Variants in IQCH observed in about 807,000 individuals in gnomAD.
The protein encoded by IQCH is IQ domain-containing protein H.
IQCH carries 98 observed loss-of-function variants against 117.0 expected under a neutral mutation model. The observed-to-expected ratio is 0.84, with a 90% CI of 0.71 to 0.99. The LOEUF is 0.99. IQCH is among the 50% of genes least tolerant of loss of function. IQCH has a pLI of 0.00. For synonymous variants in IQCH, 412 were observed against 448.2 expected (o/e 0.92, Z 1.02); for missense variants, 1,102 against 1,243.8 (o/e 0.89, Z 1.72).
intron 4 of IQCH, among the ~76,000 whole-genome samples, chr15:67,323,478 G>A (rs1277579318): frequency 1.3e-5 from 2 of 151,918 alleles, no homozygotes; most frequent in Non-Finnish European, 2.9e-5. Context: ...TCCTGACCTC[G>A]TGATCTGCCT....
chr15:67,475,611 C>A lies in IQCH; in HGVS notation c.2677-85C>A. The A allele has an allele frequency of 8.1e-7, 1 of 1,231,414 alleles. No homozygotes were observed. 76.3% of individuals were successfully genotyped at this position (1,231,414 alleles called of 1,614,324 possible). A position where few individuals can be genotyped will look rare whatever the true frequency, so the allele number is the denominator to read the frequency against. On this transcript the variant is annotated intron_variant, in intron 17 of 20. Coordinates refer to ENST00000335894, the MANE Select transcript of IQCH (RefSeq NM_001031715.3). This position sits in a 1 kb window ranked among gnomAD's most constrained non-coding sequence, Gnocchi z 5.7. Reference sequence around the variant, plus strand: ...ATATAGGAACTCTCAGAATTATCTTCGCAATTTTCCTGTTAATCTCAAGTA... The same window carrying A: ...ATATAGGAACTCTCAGAATTATCTTAGCAATTTTCCTGTTAATCTCAAGTA...
intron 4 of IQCH, among the ~76,000 whole-genome samples, chr15:67,324,321 C>G (rs1366910243): frequency 6.7e-6 from 1 of 148,440 alleles, no homozygotes; most frequent in African/African-American, 2.5e-5. Flanking sequence ...AAAAAAAAGT[C>G]TTTAGATTGG....
At chr15:67,446,421 G>T (rs2082392903) in intron 16 of IQCH, among the ~76,000 whole-genome samples, 1 of 152,150 alleles carries the variant, frequency 6.6e-6, no homozygotes, top group Non-Finnish European at 1.5e-5. Context: ...AGGTAAAGGA[G>T]AAAGAGGGGG....
rs1441560824 is a variant in IQCH at position 67,307,470 on chromosome 15, T to C, written c.387+27958T>C. The stretch of plus-strand genomic sequence containing the variant: ...GTGAGGCAATTGTGTTAATGTCAAA[T>C]GATTAGAAGAAGCACTAGAAGTAAG... On this transcript the variant is annotated intron_variant, in intron 4 of 20. Transcript: ENST00000335894. 3.9e-5 allele frequency among the ~76,000 whole-genome samples: 5 copies of C among 127,852 alleles called. No individual in the cohort carries two copies. The East Asian group carries it at 1.1e-3, about 28-fold the overall frequency. The allele number at this position is 127,852 out of a possible 152,430, so 83.9% of individuals were successfully genotyped here.
intron 4 of IQCH, among the ~76,000 whole-genome samples, chr15:67,331,708 TAC>T (rs1183612963): frequency 1.3e-5 from 2 of 152,242 alleles, no homozygotes; most frequent in Admixed American, 6.5e-5. Flanking sequence ...AGCTCTGCTC[TAC>T]ACAGTCATTC....
intron 4 of IQCH, among the ~76,000 whole-genome samples, chr15:67,321,655 A>C (rs1461605628): frequency 1.4e-5 from 2 of 140,908 alleles, no homozygotes; most frequent in Non-Finnish European, 3.0e-5. Context: ...CTTTTTCCTT[A>C]GGCCCTGCCT....
intron 10 of IQCH, among the ~76,000 whole-genome samples, chr15:67,378,431 C>A (rs1020264832): frequency 1.3e-5 from 2 of 148,420 alleles, no homozygotes; most frequent in African/African-American, 5.0e-5. Flanking sequence ...GTATAGAATC[C>A]ATAGTTTAGC....
At chr15:67,399,536 T>G (rs192656970) in intron 13 of IQCH, among the ~76,000 whole-genome samples, 2 of 152,366 alleles carry the variant, frequency 1.3e-5, no homozygotes, top group Admixed American at 1.3e-4. Flanking sequence ...TTTTATCTCC[T>G]TTATCTGTCT....
intron 16 of IQCH, among the ~76,000 whole-genome samples, chr15:67,441,256 C>G (rs2082265841): frequency 6.7e-6 from 1 of 148,924 alleles, no homozygotes; most frequent in South Asian, 2.1e-4. Flanking sequence ...CAAATGGAAA[C>G]ACATCCCATA....
At position 67,365,130 on chromosome 15, in the gene IQCH, G is replaced by T. The variant is rs983355191; in HGVS notation, c.753+5245G>T. ...CTAATTTTTCTGGCATTTCTTTGTC[G>T]AGATGGGGTTTTACCATGTTGCCCA... On this transcript the variant is annotated intron_variant, in intron 8 of 20. Coordinates refer to ENST00000335894, the MANE Select transcript of IQCH (RefSeq NM_001031715.3). The surrounding 1 kb of genome is among the most constrained non-coding windows in gnomAD (Gnocchi z 4.4). Among the ~76,000 whole-genome samples the T allele has an allele frequency of 6.6e-6, 1 of 152,044 alleles. No individual in the cohort carries two copies. The highest frequency in any genetic ancestry group is 2.4e-5 in the African/African-American group (1 of 41,384).
At chr15:67,350,559 T>TG (rs2140711454) in intron 6 of IQCH, among the ~76,000 whole-genome samples, 1 of 152,228 alleles carries the variant, frequency 6.6e-6, no homozygotes, top group South Asian at 2.1e-4. Flanking sequence ...CCCAAGTAGC[T>TG]GGGACTACAG....
intron 10 of IQCH, among the ~76,000 whole-genome samples, chr15:67,379,854 T>A (rs920722037): frequency 6.6e-6 from 1 of 152,090 alleles, no homozygotes; most frequent in Non-Finnish European, 1.5e-5. Flanking sequence ...AATTACTCAG[T>A]TCTTTCTTTT....
chr15:67,343,940 A>C, intron 5 of IQCH, 123 bp from the exon 6 acceptor site: 1 of 744,268 alleles, frequency 1.3e-6, no homozygotes, highest in Non-Finnish European at 2.2e-6. Flanking sequence ...GGATTAAGGC[A>C]CTAGATGTAC....
chr15:67,260,322 G>C (rs1965405519), intron 1 of IQCH, among the ~76,000 whole-genome samples: 1 of 152,156 alleles, frequency 6.6e-6, no homozygotes, highest in South Asian at 2.1e-4. Context: ...CCTGATGTTG[G>C]AGAGAAATCC....
At chr15:67,315,781 A>G (rs1304018221) in intron 4 of IQCH, among the ~76,000 whole-genome samples, 1 of 152,164 alleles carries the variant, frequency 6.6e-6, no homozygotes, top group Non-Finnish European at 1.5e-5. Context: ...CAGCTTCTGC[A>G]TGGATCTGTC....
chr15:67,413,914 C>CTT lies in IQCH; in HGVS notation c.2098-3015_2098-3014dup, dbSNP rs1427417401. Among the ~76,000 whole-genome samples the CTT allele has an allele frequency of 6.6e-6, 1 of 152,188 alleles. No homozygotes were observed. Among genetic ancestry groups the CTT allele is most frequent in the African/African-American group, 2.4e-5 (1 of 41,442 alleles). ...CCAAGCGTCAAAGCAGAATGGCTGG[C>CTT]TTTGTGATCAGAGGCGGTGGCAGAA... On this transcript the variant is annotated intron_variant, in intron 14 of 20. Coordinates refer to ENST00000335894, the MANE Select transcript of IQCH (RefSeq NM_001031715.3). This position sits in a 1 kb window ranked among gnomAD's most constrained non-coding sequence, Gnocchi z 5.0.
rs149284876 is a variant in IQCH at position 67,326,236 on chromosome 15, C to T, written c.388-10739C>T. On this transcript the variant is annotated intron_variant, in intron 4 of 20. Coordinates refer to ENST00000335894, the MANE Select transcript of IQCH (RefSeq NM_001031715.3). ...GTGGTGTTTGGTTTTTTTGTCCTTG[C>T]GATAGTTTGCTCAGAATCATGGTTT... 4.3e-3 allele frequency among the ~76,000 whole-genome samples: 658 copies of T among 152,202 alleles called. 4 individuals carry two copies. The highest frequency in any genetic ancestry group is 0.013 in the South Asian group (61 of 4,826).
At chr15:67,288,311 C>G (rs1208631605) in intron 4 of IQCH, among the ~76,000 whole-genome samples, 1 of 152,052 alleles carries the variant, frequency 6.6e-6, no homozygotes, top group African/African-American at 2.4e-5. Flanking sequence ...ATTTTTCTGT[C>G]TGGAAGATCT....
intron 13 of IQCH, among the ~76,000 whole-genome samples, chr15:67,396,303 C>T (rs555352761): frequency 1.3e-5 from 2 of 151,838 alleles, no homozygotes; most frequent in South Asian, 4.1e-4. Context: ...CTTCGCTCTT[C>T]AGGAAGCGAT....
Sources: gnomAD v4.1 joint callset for allele counts (sites outside exome capture counted in the v4.1 genomes callset) on GRCh38, gnomAD v4.1.1 for gene constraint, Gnocchi (gnomAD v3.1) non-coding constraint, MANE v1.5 for transcripts, NCBI Gene and HGNC (gene_info 2026-07-23, HGNC 2026-07-21) for gene names.